The following SLC60A2 variants were observed in gnomAD, a reference collection of about 807,000 sequenced individuals.
The protein encoded by SLC60A2 is solute carrier family 60 member 2.
the SLC60A2 span, chr6:111,259,662 G>A: frequency 5.1e-6 from 8 of 1,578,008 alleles, no homozygotes; most frequent in Non-Finnish European, 6.0e-6. Flanking sequence ...CTGGCAGAGC[G>A]GTGGGACCGG....
At chr6:111,267,206 T>G in the SLC60A2 span, 1 of 1,331,190 alleles carries the variant, frequency 7.5e-7, no homozygotes, top group East Asian at 2.3e-5. Context: ...AATTTCACCA[T>G]GCTTTGGGGA....
chr6:111,270,149 C>T, the SLC60A2 span: 1 of 152,172 alleles, frequency 6.6e-6, no homozygotes, highest in South Asian at 2.1e-4. Context: ...CCTCTCACAA[C>T]ATGGCAGTTT....
the SLC60A2 span, among the ~76,000 whole-genome samples, chr6:111,277,364 T>A: frequency 6.6e-6 from 1 of 152,210 alleles, no homozygotes; most frequent in Non-Finnish European, 1.5e-5. Context: ...AAAGAAAGCT[T>A]TCTCCTAAGA....
chr6:111,262,151 C>T, the SLC60A2 span: 150 of 850,576 alleles, frequency 1.8e-4, no homozygotes, highest in African/African-American at 2.4e-3. Flanking sequence ...CATTGTAAAT[C>T]CCAGACCCTC....
At chr6:111,260,064 C>T in the SLC60A2 span, among the ~76,000 whole-genome samples, 1 of 152,166 alleles carries the variant, frequency 6.6e-6, no homozygotes, top group Non-Finnish European at 1.5e-5. Context: ...GCGCCTGCCA[C>T]TAAGCCCGGC....
chr6:111,271,826 T>TCCAG, the SLC60A2 span, among the ~76,000 whole-genome samples: 1 of 131,760 alleles, frequency 7.6e-6, no homozygotes, highest in Non-Finnish European at 1.5e-5. Flanking sequence ...GTTAGCCAGG[T>TCCAG]GTGGTGGTGG....
the SLC60A2 span, among the ~76,000 whole-genome samples, chr6:111,275,834 G>A: frequency 3.9e-5 from 6 of 152,170 alleles, no homozygotes; most frequent in Non-Finnish European, 8.8e-5. Context: ...GTGGCATTAA[G>A]TATATTCACA....
chr6:111,265,807 G>A, the SLC60A2 span: 1 of 1,354,476 alleles, frequency 7.4e-7, no homozygotes. Flanking sequence ...TTTCTGATAA[G>A]TGAACTTTTT....
chr6:111,271,328 A>T, the SLC60A2 span, among the ~76,000 whole-genome samples: 8 of 152,044 alleles, frequency 5.3e-5, no homozygotes, highest in Non-Finnish European at 1.2e-4. Context: ...TCTTTTGAAA[A>T]ATTACTTTTT....
At chr6:111,260,109 C>T in the SLC60A2 span, among the ~76,000 whole-genome samples, 1 of 152,126 alleles carries the variant, frequency 6.6e-6, no homozygotes, top group Non-Finnish European at 1.5e-5. Context: ...CGGGGCTTCG[C>T]CATGTTGGCC....
chr6:111,271,016 G>A, the SLC60A2 span: 16 of 116,832 alleles, frequency 1.4e-4, no homozygotes, highest in African/African-American at 4.0e-4. Context: ...GTGAGTTATC[G>A]CAGAGTTATG....
the SLC60A2 span, chr6:111,259,812 C>G: frequency 1.9e-5 from 24 of 1,253,008 alleles, no homozygotes; most frequent in Non-Finnish European, 2.7e-5. Flanking sequence ...GGCGCGTTAC[C>G]TAATCTGACT....
the SLC60A2 span, chr6:111,278,147 C>T: frequency 6.6e-6 from 1 of 152,098 alleles, no homozygotes; most frequent in Non-Finnish European, 1.5e-5. Flanking sequence ...ACTGGCTTGC[C>T]TAATAAAAAA....
At chr6:111,271,897 G>A in the SLC60A2 span, among the ~76,000 whole-genome samples, 1 of 151,110 alleles carries the variant, frequency 6.6e-6, no homozygotes, top group South Asian at 2.1e-4. Context: ...GAACTTGGGA[G>A]GCAGAGTTTA....
At chr6:111,263,696 G>C in the SLC60A2 span, 3 of 544,032 alleles carry the variant, frequency 5.5e-6, no homozygotes. Flanking sequence ...ATCACTTTTA[G>C]AAGCAAAAAC....
At chr6:111,259,365 C>T in the SLC60A2 span, 1 of 340,884 alleles carries the variant, frequency 2.9e-6, no homozygotes, top group East Asian at 4.4e-5. Context: ...TTGCCACGAA[C>T]ACCTGCGGCG....
At chr6:111,266,985 C>T in the SLC60A2 span, 27,361 of 1,614,154 alleles carry the variant, frequency 0.017, 440 homozygotes, top group South Asian at 0.061. Flanking sequence ...TAGAAGTAGT[C>T]TGACGGAGCC....
chr6:111,266,203 CAAGAGCAT>C, the SLC60A2 span: 1 of 1,613,114 alleles, frequency 6.2e-7, no homozygotes, highest in East Asian at 2.2e-5. Context: ...CAAGAAAAAG[CAAGAGCAT>C]CTGCTGAGAC....
At chr6:111,266,701 AC>A in the SLC60A2 span, 121 of 1,614,042 alleles carry the variant, frequency 7.5e-5, no homozygotes, top group Non-Finnish European at 9.7e-5. Flanking sequence ...CAAGGAAAAT[AC>A]CCTGATTTGC....
Sources: gnomAD v4.1 joint callset for allele counts (sites outside exome capture counted in the v4.1 genomes callset) on GRCh38, gnomAD v4.1.1 for gene constraint, MANE v1.5 for transcripts, NCBI Gene and HGNC (gene_info 2026-07-23, HGNC 2026-07-21) for gene names.